Variants in FRAS1 observed in about 807,000 individuals in gnomAD.
FRAS1 encodes the protein Fraser extracellular matrix complex subunit 1.
A neutral mutation model predicts 435.2 loss-of-function variants in FRAS1; 290 were observed. That is an observed-to-expected ratio of 0.67 (90% CI 0.61 to 0.73). FRAS1 has a LOEUF of 0.73. Ranked by LOEUF, FRAS1 falls within the 30% of genes least tolerant of loss-of-function variation. The pLI is 0.00. For missense variants in FRAS1, 4,860 were observed against 5,001.5 expected (o/e 0.97, Z 0.85); for synonymous variants, 1,800 against 1,851.0 (o/e 0.97, Z 0.71).
rs1726630134 is a variant in FRAS1, at chr4:78,270,659, A to G, written c.981+3227A>G. Among the ~76,000 whole-genome samples, 4 of 151,690 alleles carry G rather than the reference A, an allele frequency of 2.6e-5. No individual in the cohort carries two copies. In the South Asian group the frequency reaches 8.4e-4, roughly 32 times the overall value. On this transcript the variant is annotated intron_variant, in intron 9 of 73. Coordinates refer to ENST00000512123, the MANE Select transcript of FRAS1 (RefSeq NM_025074.7). ...TTTAGTGGACACTCAAGAATCTCTC[A>G]TGTGTTTTGTCTTTTACAGAAGTAT...
chr4:78,461,461 G>C (rs1719365310), intron 47 of FRAS1, among the ~76,000 whole-genome samples: 1 of 152,122 alleles, frequency 6.6e-6, no homozygotes, highest in Non-Finnish European at 1.5e-5. Flanking sequence ...ATAAATTATA[G>C]TGTCATGATC....
At chr4:78,251,223 A>G (rs1725515381) in intron 4 of FRAS1, among the ~76,000 whole-genome samples, 1 of 152,176 alleles carries the variant, frequency 6.6e-6, no homozygotes, top group Non-Finnish European at 1.5e-5. Flanking sequence ...TGAAACTTAT[A>G]TATAATTGTA....
chr4:78,197,726 G>A (rs1722875402), intron 2 of FRAS1, among the ~76,000 whole-genome samples: 1 of 152,138 alleles, frequency 6.6e-6, no homozygotes, highest in Admixed American at 6.5e-5. Context: ...TGGATCATGA[G>A]GTCAGGAGAT....
intron 58 of FRAS1, among the ~76,000 whole-genome samples, chr4:78,483,379 C>T (rs1206126713): frequency 2.6e-5 from 4 of 151,984 alleles, no homozygotes; most frequent in South Asian, 2.1e-4. Context: ...GAAGAATTGA[C>T]GAAATTAGAA....
chr4:78,307,930 T>G, intron 14 of FRAS1, 136 bp from the exon 15 acceptor site: 1 of 811,256 alleles, frequency 1.2e-6, no homozygotes, highest in Admixed American at 2.9e-5. Context: ...TCCTGAGGTG[T>G]ACATGTGTCA....
chr4:78,123,235 TC>T (rs1719130406), intron 2 of FRAS1, among the ~76,000 whole-genome samples: 1 of 152,202 alleles, frequency 6.6e-6, no homozygotes, highest in Non-Finnish European at 1.5e-5. Flanking sequence ...AAATAGGGAA[TC>T]TTTTCCCCAT....
At chr4:78,317,870 A>T (rs1363648883) in intron 17 of FRAS1, among the ~76,000 whole-genome samples, 1 of 152,200 alleles carries the variant, frequency 6.6e-6, no homozygotes. Context: ...TTTGGTAATG[A>T]CACTGCTGAG....
At chr4:78,293,275 G>A (rs779016171) in intron 14 of FRAS1, among the ~76,000 whole-genome samples, 19 of 152,212 alleles carry the variant, frequency 1.2e-4, no homozygotes, top group African/African-American at 2.7e-4. Context: ...GGGACATGCC[G>A]TATACTTCTG....
chr4:78,529,152 T>A (rs556294312), intron 70 of FRAS1, among the ~76,000 whole-genome samples: 1 of 152,122 alleles, frequency 6.6e-6, no homozygotes, highest in East Asian at 1.9e-4. Context: ...TGATAGTTCA[T>A]CTGAATGGAT....
chr4:78,277,612 G>C (rs1727117157), intron 9 of FRAS1, among the ~76,000 whole-genome samples: 1 of 151,920 alleles, frequency 6.6e-6, no homozygotes, highest in East Asian at 1.9e-4. Context: ...AGATTTTCTG[G>C]GAGATGGGAC....
At chr4:78,451,739 A>G (rs756336621) in intron 45 of FRAS1, 33 bp from the exon 46 acceptor site, 150 of 1,548,494 alleles carry the variant, frequency 9.7e-5, no homozygotes, top group Non-Finnish European at 1.3e-4. Flanking sequence ...GAAAGCACTA[A>G]TAGCAAATCT....
At chr4:78,341,863 C>A (rs439227) in intron 20 of FRAS1, among the ~76,000 whole-genome samples, 4 of 151,816 alleles carry the variant, frequency 2.6e-5, no homozygotes, top group Non-Finnish European at 4.4e-5. Context: ...GGAGGTTAAA[C>A]GTATAAATTG....
chr4:78,076,880 A>C lies in FRAS1; in HGVS notation c.108+10864A>C, dbSNP rs182499054. 9.4e-4 allele frequency among the ~76,000 whole-genome samples: 143 copies of C among 152,310 alleles called. 1 individual carries two copies. Among genetic ancestry groups the C allele is most frequent in the African/African-American group, 3.4e-3 (141 of 41,566 alleles). ...AAATAAGTATCCTTTTATATTTCTT[A>C]CTCTGTTCATTTATGATTAGGATGA... On this transcript the variant is annotated intron_variant, in intron 2 of 73. Transcript: ENST00000512123.
Position 78,448,141 on chromosome 4 carries a change from C to A in FRAS1, c.6099C>A (p.Ile2033=), listed in dbSNP as rs1011271970. 4.0e-5 allele frequency: 65 copies of A among 1,613,600 alleles called. No homozygotes were observed. Among genetic ancestry groups the A allele is most frequent in the Non-Finnish European group, 5.5e-5 (65 of 1,179,836 alleles). Reference sequence around the variant, plus strand: ...GCTCAACCTTCACCTACCAGGATATCCTAGCTGGGCTGGTTGGGTATGTGC... The same window carrying A: ...GCTCAACCTTCACCTACCAGGATATACTAGCTGGGCTGGTTGGGTATGTGC... ...VQGSTFTYQD[I]LAGLVGYVPS... is the part of the protein sequence containing the mutation. The change falls in exon 44 of 74, where the codon ATC becomes ATA. Residue 2033 remains isoleucine, a synonymous_variant. Coordinates refer to ENST00000512123, the MANE Select transcript of FRAS1 (RefSeq NM_025074.7).
In FRAS1 at chr4:78,496,923, A is replaced by G; in HGVS notation, c.9077A>G (p.Asn3026Ser). The change falls in exon 60 of 74, where the codon AAT becomes AGT. Residue 3026 changes from asparagine to serine, a missense_variant. By Grantham distance (46) the Asn-to-Ser change is conservative. Transcript: ENST00000512123. ...NHWSGARIGK[N>S]NMATITISND... ...TGGAGTGGAGCTAGAATTGGAAAGA[A>G]TAACATGGCCACCATCACCATATCC... is the stretch of plus-strand genomic sequence containing the variant. 9 of 1,613,768 alleles carry G rather than the reference A, an allele frequency of 5.6e-6. No homozygotes were observed. The highest frequency in any genetic ancestry group is 7.6e-6 in the Non-Finnish European group (9 of 1,179,700).
At chr4:78,177,067 GGAGA>G (rs1219134384) in intron 2 of FRAS1, among the ~76,000 whole-genome samples, 2 of 151,598 alleles carry the variant, frequency 1.3e-5, no homozygotes, top group Admixed American at 1.3e-4. Flanking sequence ...TCAATGGGAG[GGAGA>G]GAGAGAGTGA....
At chr4:78,070,458 C>T (rs1315147218) in intron 2 of FRAS1, 1 of 151,964 alleles carries the variant, frequency 6.6e-6, no homozygotes, top group African/African-American at 2.4e-5. Flanking sequence ...CTTTTTATTC[C>T]TAGAGTAAGA....
intron 68 of FRAS1, among the ~76,000 whole-genome samples, 155 bp from the exon 69 acceptor site, chr4:78,522,494 T>A (rs1283463263): frequency 6.6e-6 from 1 of 152,196 alleles, no homozygotes; most frequent in Non-Finnish European, 1.5e-5. Context: ...CTATCCAGTG[T>A]GGAATATATT....
At chr4:78,258,640 T>C (rs2110142100) in intron 6 of FRAS1, among the ~76,000 whole-genome samples, 1 of 146,234 alleles carries the variant, frequency 6.8e-6, no homozygotes, top group East Asian at 2.0e-4. Flanking sequence ...TTTTTTTAGA[T>C]ATTCTTTAAA....
Sources: allele counts gnomAD v4.1 joint callset (sites outside exome capture counted in the v4.1 genomes callset), GRCh38; gene constraint gnomAD v4.1.1; transcripts MANE v1.5; gene names NCBI Gene and HGNC (gene_info 2026-07-23, HGNC 2026-07-21).